Variants in GULP1 observed in about 807,000 individuals in gnomAD.
The protein encoded by GULP1 is PTB domain-containing engulfment adapter protein 1.
A neutral mutation model predicts 40.9 loss-of-function variants in GULP1; 19 were observed. The ratio of observed to expected loss-of-function variants is 0.46; its 90% CI spans 0.32 to 0.68. GULP1 has a LOEUF of 0.68. Among genes scored for constraint, GULP1 ranks in the 30% least tolerant of loss-of-function variants. GULP1 has a pLI of 0.03. For synonymous variants in GULP1, 119 were observed against 117.6 expected (o/e 1.01, Z -0.08); for missense variants, 312 against 362.2 (o/e 0.86, Z 1.12).
intron 2 of GULP1, chr2:188,466,603 C>T (rs933866667): frequency 2.0e-5 from 3 of 152,018 alleles, no homozygotes; most frequent in Non-Finnish European, 2.9e-5. Context: ...CTAGCTTGCT[C>T]TTCTTATTCT....
At chr2:188,439,042 A>G (rs1265284994) in intron 2 of GULP1, among the ~76,000 whole-genome samples, 1 of 152,090 alleles carries the variant, frequency 6.6e-6, no homozygotes, top group Admixed American at 6.6e-5. Context: ...ATCATTTTAA[A>G]TTGTACTCTT....
intron 1 of GULP1, among the ~76,000 whole-genome samples, chr2:188,337,368 G>A (rs913472618): frequency 6.6e-6 from 1 of 151,022 alleles, no homozygotes; most frequent in Non-Finnish European, 1.5e-5. Flanking sequence ...ACGAAATCCT[G>A]ACCTCAAGTG....
intron 1 of GULP1, among the ~76,000 whole-genome samples, chr2:188,357,897 T>G (rs189371682): frequency 1.4e-4 from 21 of 152,234 alleles, no homozygotes; most frequent in Non-Finnish European, 1.6e-4. Context: ...AATGAAATCC[T>G]GGCTGAGACA....
In GULP1 at chr2:188,538,835, A is replaced by T. The variant is rs554338453; in HGVS notation, c.262-2346A>T. On this transcript the variant is annotated intron_variant, in intron 6 of 11. Coordinates refer to ENST00000409830, the MANE Select transcript of GULP1 (RefSeq NM_016315.4). The stretch of plus-strand genomic sequence containing the variant: ...ATATACATAAGTGACACACAAAAAA[A>T]TCAATCATTTCATTCTAGATGTATG... 9.3e-4 allele frequency among the ~76,000 whole-genome samples: 142 copies of T among 151,878 alleles called. No homozygotes were observed. The East Asian group carries it at 0.011, about 11-fold the overall frequency.
At chr2:188,442,910 CCTGT>C (rs1330184105) in intron 2 of GULP1, among the ~76,000 whole-genome samples, 4 of 152,128 alleles carry the variant, frequency 2.6e-5, no homozygotes, top group Admixed American at 6.6e-5. Context: ...TGAAAAACAG[CCTGT>C]CTATCAGCTT....
intron 2 of GULP1, among the ~76,000 whole-genome samples, chr2:188,389,963 T>C (rs1037205643): frequency 6.6e-6 from 1 of 152,094 alleles, no homozygotes; most frequent in Non-Finnish European, 1.5e-5. Flanking sequence ...ATCCTTTTTT[T>C]TTTTTAAATG....
intron 4 of GULP1, among the ~76,000 whole-genome samples, chr2:188,519,372 T>G (rs1045235643): frequency 6.6e-6 from 1 of 152,196 alleles, no homozygotes; most frequent in African/African-American, 2.4e-5. Flanking sequence ...TTTTGACTCA[T>G]GACATTCCTG....
intron 2 of GULP1, among the ~76,000 whole-genome samples, chr2:188,397,522 G>C (rs2051460105): frequency 6.6e-6 from 1 of 152,148 alleles, no homozygotes; most frequent in Non-Finnish European, 1.5e-5. Context: ...TTTCATAGAA[G>C]ATACTTCATA....
At chr2:188,372,972 A>G (rs902088052) in intron 1 of GULP1, among the ~76,000 whole-genome samples, 2 of 152,018 alleles carry the variant, frequency 1.3e-5, no homozygotes, top group African/African-American at 2.4e-5. Flanking sequence ...AATAGGCTGA[A>G]GAGAAAGATG....
chr2:188,369,483 C>T (rs929196018), intron 1 of GULP1, among the ~76,000 whole-genome samples: 10 of 151,928 alleles, frequency 6.6e-5, no homozygotes, highest in African/African-American at 1.9e-4. Flanking sequence ...TAAGAGAACC[C>T]GGGGAAGATG....
At position 188,364,873 on chromosome 2, in the gene GULP1, T is replaced by TAC. The variant is rs34440863; in HGVS notation, c.-171-18875_-171-18874dup. On this transcript the variant is annotated intron_variant, in intron 1 of 11. Coordinates refer to ENST00000409830, the MANE Select transcript of GULP1 (RefSeq NM_016315.4). ...ATCCACAAACACACACACACACATA[T>TAC]ACACACACACACACACGTATATACA... Among the ~76,000 whole-genome samples the TAC allele has an allele frequency of 1.3e-3, 191 of 149,616 alleles. 2 individuals are homozygous for TAC. In the East Asian group the frequency reaches 0.015, roughly 12 times the overall value.
intron 1 of GULP1, among the ~76,000 whole-genome samples, chr2:188,312,659 C>A (rs1319866613): frequency 1.3e-5 from 2 of 152,040 alleles, no homozygotes; most frequent in East Asian, 1.9e-4. Flanking sequence ...TGAGTAAATA[C>A]CCGGTAATGG....
At chr2:188,590,937 A>G (rs1703432819) in intron 11 of GULP1, 2 of 152,160 alleles carry the variant, frequency 1.3e-5, no homozygotes, top group Non-Finnish European at 2.9e-5. Context: ...AACATTTTAA[A>G]ATATTTAAAA....
chr2:188,421,456 T>G (rs930978604), intron 2 of GULP1, among the ~76,000 whole-genome samples: 4 of 152,134 alleles, frequency 2.6e-5, no homozygotes, highest in African/African-American at 9.7e-5. Context: ...TTAAAGCGGT[T>G]TTTACTAAAA....
intron 2 of GULP1, among the ~76,000 whole-genome samples, chr2:188,411,046 A>G (rs1283222129): frequency 6.6e-6 from 1 of 152,134 alleles, no homozygotes; most frequent in Non-Finnish European, 1.5e-5. Context: ...GGCAATGTCA[A>G]TTACCCTCTA....
chr2:188,410,819 G>A (rs908935540), intron 2 of GULP1, among the ~76,000 whole-genome samples: 1 of 152,130 alleles, frequency 6.6e-6, no homozygotes, highest in Non-Finnish European at 1.5e-5. Flanking sequence ...ATAGTTATAA[G>A]AAATAGGCAC....
At chr2:188,558,104 C>T (rs75568143) in intron 7 of GULP1, among the ~76,000 whole-genome samples, 6 of 152,292 alleles carry the variant, frequency 3.9e-5, no homozygotes, top group African/African-American at 1.4e-4. Context: ...AAAATTTCTG[C>T]AGCCTGCTTG....
At chr2:188,394,083 G>A (rs1380259653) in intron 2 of GULP1, among the ~76,000 whole-genome samples, 2 of 152,144 alleles carry the variant, frequency 1.3e-5, no homozygotes, top group South Asian at 2.1e-4. Flanking sequence ...GGCAAGGCCA[G>A]GAAAGTTTTT....
chr2:188,496,911 G>A (rs6434285), intron 4 of GULP1, among the ~76,000 whole-genome samples: 134,818 of 151,798 alleles, frequency 0.89, 61,159 homozygotes, highest in South Asian at 0.99. Context: ...TCTTCCCCCT[G>A]CTCTGGCCAT....
Sources: gnomAD v4.1 joint callset for allele counts (sites outside exome capture counted in the v4.1 genomes callset) on GRCh38, gnomAD v4.1.1 for gene constraint, MANE v1.5 for transcripts, NCBI Gene and HGNC (gene_info 2026-07-23, HGNC 2026-07-21) for gene names.